The following PITPNC1 variants were observed in gnomAD, a reference collection of about 807,000 sequenced individuals.
PITPNC1 encodes the protein cytoplasmic phosphatidylinositol transfer protein 1.
Under a neutral mutation model 44.7 loss-of-function variants are expected in PITPNC1, and 18 were observed. The ratio of observed to expected loss-of-function variants is 0.40; its 90% CI spans 0.28 to 0.60. The LOEUF (loss-of-function observed/expected upper bound fraction) is 0.60. Among genes scored for constraint, PITPNC1 ranks in the 20% least tolerant of loss-of-function variants. The pLI is 0.39. For missense variants in PITPNC1, 290 were observed against 418.4 expected, an observed-to-expected ratio of 0.69 and a Z score of 2.68; for synonymous variants, 141 against 149.6, an observed-to-expected ratio of 0.94 and a Z score of 0.42.
Position 67,404,985 on chromosome 17 carries a change from G to T in PITPNC1, c.48+26783G>T, listed in dbSNP as rs565335491. 2.4e-4 allele frequency among the ~76,000 whole-genome samples: 37 copies of T among 152,276 alleles called. 1 individual carries two copies. Among genetic ancestry groups the T allele is most frequent in the Non-Finnish European group, 3.8e-4 (26 of 68,028 alleles). ...TTTAGGGCCAGGCACCGTCACTCAC[G>T]CCTATGATCCCAGCACTTTGGGAGG... On this transcript the variant is annotated intron_variant, in intron 1 of 8. Transcript: ENST00000581322.
intron 1 of PITPNC1, among the ~76,000 whole-genome samples, chr17:67,478,437 C>T (rs1380832700): frequency 6.6e-6 from 1 of 152,192 alleles, no homozygotes; most frequent in East Asian, 1.9e-4. Flanking sequence ...TTCGGGAAAC[C>T]AAGAGCCTTG....
At chr17:67,570,492 G>T (rs2041038986) in intron 4 of PITPNC1, among the ~76,000 whole-genome samples, 1 of 152,212 alleles carries the variant, frequency 6.6e-6, no homozygotes, top group Non-Finnish European at 1.5e-5. Context: ...CATCTTCATA[G>T]TGGAGGATCT....
intron 1 of PITPNC1, among the ~76,000 whole-genome samples, chr17:67,500,695 C>G (rs1370484366): frequency 6.7e-6 from 1 of 150,028 alleles, no homozygotes; most frequent in Non-Finnish European, 1.5e-5. Context: ...GAAGGTCTCA[C>G]TCTGTCAGCC....
At chr17:67,402,362 T>G (rs1420875132) in intron 1 of PITPNC1, among the ~76,000 whole-genome samples, 4 of 152,152 alleles carry the variant, frequency 2.6e-5, no homozygotes, top group African/African-American at 9.7e-5. Context: ...TATTTACTGA[T>G]CTTAGATATT....
chr17:67,606,181 T>A (rs1025893097), intron 5 of PITPNC1, among the ~76,000 whole-genome samples: 8 of 152,038 alleles, frequency 5.3e-5, no homozygotes, highest in Admixed American at 3.3e-4. Context: ...GTAGTTTGGT[T>A]GAAAAAAAGT....
At chr17:67,495,040 G>GTTT (rs879366971) in intron 1 of PITPNC1, among the ~76,000 whole-genome samples, 1,658 of 64,584 alleles carry the variant, frequency 0.026, 190 homozygotes, top group Non-Finnish European at 0.03. Context: ...CCATGGAGTT[G>GTTT]TTTTTTTTTT....
chr17:67,657,875 A>G (rs1412394164), intron 6 of PITPNC1, among the ~76,000 whole-genome samples: 1 of 152,202 alleles, frequency 6.6e-6, no homozygotes, highest in Non-Finnish European at 1.5e-5. Flanking sequence ...TGGAAATGCA[A>G]TCCACTGGTG....
At position 67,538,236 on chromosome 17, in the gene PITPNC1, A is replaced by G. The variant is rs145380068; in HGVS notation, c.197+5286A>G. 1.8e-4 allele frequency among the ~76,000 whole-genome samples: 28 copies of G among 152,276 alleles called. No homozygotes were observed. The East Asian group carries it at 3.5e-3, about 19-fold the overall frequency. On this transcript the variant is annotated intron_variant, in intron 2 of 8. Coordinates refer to ENST00000581322, the MANE Select transcript of PITPNC1 (RefSeq NM_012417.4). ...TTGAGGGGAAGATGAACTCTTCGGT[A>G]TATGATGTTGAGATGACTGGGCTTC...
rs185971815 is a variant in PITPNC1, at chr17:67,597,951, C to T, written c.366+19694C>T. Among the ~76,000 whole-genome samples, 142 of 152,146 alleles carry T rather than the reference C, an allele frequency of 9.3e-4. No homozygotes were observed. The highest frequency in any genetic ancestry group is 1.6e-3 in the Admixed American group (24 of 15,280). Reference sequence around the variant, plus strand: ...AGAAATAGAGAGGAGACGCTGGGTGCGGTGGCTCATGCCTGTAATCCCAGC... The same window carrying T: ...AGAAATAGAGAGGAGACGCTGGGTGTGGTGGCTCATGCCTGTAATCCCAGC... On this transcript the variant is annotated intron_variant, in intron 5 of 8. Transcript: ENST00000581322. The surrounding 1 kb of genome is among the most constrained non-coding windows in gnomAD (Gnocchi z 4.0).
intron 1 of PITPNC1, among the ~76,000 whole-genome samples, chr17:67,398,488 T>A (rs2143815403): frequency 6.9e-6 from 1 of 144,338 alleles, no homozygotes; most frequent in Admixed American, 6.8e-5. Context: ...TTCTAGGCAT[T>A]GGTTGTGCGA....
chr17:67,520,529 G>A (rs1426467886), intron 1 of PITPNC1, among the ~76,000 whole-genome samples: 1 of 152,170 alleles, frequency 6.6e-6, no homozygotes, highest in Non-Finnish European at 1.5e-5. Context: ...TCAGTCTTCT[G>A]TCTTCAAGGC....
intron 5 of PITPNC1, among the ~76,000 whole-genome samples, chr17:67,604,219 G>C (rs931781363): frequency 3.3e-5 from 5 of 152,230 alleles, no homozygotes; most frequent in Admixed American, 6.5e-5. Context: ...AACTGGAATA[G>C]TGAGGGAAAA....
At chr17:67,583,236 A>G (rs1034619950) in intron 5 of PITPNC1, among the ~76,000 whole-genome samples, 2 of 152,144 alleles carry the variant, frequency 1.3e-5, no homozygotes, top group African/African-American at 4.8e-5. Context: ...GACATTGGCT[A>G]TGCTGTCCCC....
chr17:67,546,214 T>A (rs910712394), intron 2 of PITPNC1, among the ~76,000 whole-genome samples: 4 of 151,030 alleles, frequency 2.6e-5, no homozygotes, highest in African/African-American at 7.3e-5. Flanking sequence ...AACAAAACAG[T>A]ATATCGTCTA....
intron 1 of PITPNC1, among the ~76,000 whole-genome samples, chr17:67,489,518 G>A (rs1259799325): frequency 6.6e-6 from 1 of 152,112 alleles, no homozygotes; most frequent in Non-Finnish European, 1.5e-5. Context: ...AGCTGCTCAC[G>A]GGATTCACCT....
chr17:67,530,981 G>T (rs1263421556), intron 1 of PITPNC1, among the ~76,000 whole-genome samples: 2 of 152,202 alleles, frequency 1.3e-5, no homozygotes, highest in African/African-American at 4.8e-5. Flanking sequence ...TGTGGCTCAT[G>T]CCTGTAATCC....
chr17:67,660,347 A>G (rs972649915), intron 6 of PITPNC1, among the ~76,000 whole-genome samples: 6 of 152,016 alleles, frequency 3.9e-5, no homozygotes, highest in African/African-American at 9.7e-5. Flanking sequence ...CCGGGGTGCT[A>G]TGGAAAAGCA....
intron 6 of PITPNC1, among the ~76,000 whole-genome samples, chr17:67,643,498 G>A (rs1266488618): frequency 6.6e-6 from 1 of 152,196 alleles, no homozygotes; most frequent in Admixed American, 6.5e-5. Context: ...ATGGAAGGGA[G>A]AAACAGTTGG....
intron 1 of PITPNC1, among the ~76,000 whole-genome samples, chr17:67,481,515 T>C (rs774321265): frequency 1.1e-3 from 173 of 152,256 alleles, no homozygotes; most frequent in Non-Finnish European, 2.1e-3. Flanking sequence ...ATTTTCAAAT[T>C]TTTTTTAGAT....
Sources: allele counts gnomAD v4.1 joint callset (sites outside exome capture counted in the v4.1 genomes callset), GRCh38; gene constraint gnomAD v4.1.1; non-coding constraint Gnocchi (gnomAD v3.1); transcripts MANE v1.5; gene names NCBI Gene and HGNC (gene_info 2026-07-23, HGNC 2026-07-21).